Variants in SFXN5 observed in about 807,000 individuals in gnomAD.
The protein encoded by SFXN5 is sideroflexin-5.
In SFXN5, 43 loss-of-function variants were observed where a neutral mutation model predicts 50.2. The ratio of observed to expected loss-of-function variants is 0.86; its 90% CI spans 0.67 to 1.11. SFXN5 has a LOEUF of 1.11. SFXN5 is among the 50% of genes least tolerant of loss of function. The probability of loss-of-function intolerance (pLI) is 0.00; values close to 1 mark genes in which losing one functional copy is unlikely to be tolerated. For synonymous variants in SFXN5, 203 were observed against 185.8 expected, an observed-to-expected ratio of 1.09 and a Z score of -0.75; for missense variants, 463 against 454.1, an observed-to-expected ratio of 1.02 and a Z score of -0.18.
At chr2:73,056,315 G>A (rs553160446) in intron 2 of SFXN5, among the ~76,000 whole-genome samples, 2 of 151,948 alleles carry the variant, frequency 1.3e-5, no homozygotes, top group Non-Finnish European at 2.9e-5. Context: ...CTGGGAGGCG[G>A]AGGTTGCAGT....
At chr2:73,026,309 T>C (rs914304494) in intron 3 of SFXN5, among the ~76,000 whole-genome samples, 5 of 151,508 alleles carry the variant, frequency 3.3e-5, no homozygotes, top group South Asian at 4.2e-4. Flanking sequence ...TTTTTTTTTT[T>C]TAGTAGAGGC....
chr2:72,979,946 C>T (rs1049755817), intron 10 of SFXN5, among the ~76,000 whole-genome samples: 13 of 152,064 alleles, frequency 8.5e-5, no homozygotes, highest in Non-Finnish European at 1.9e-4. Context: ...ATTGCTTATT[C>T]TATTATGTAT....
At chr2:73,038,984 T>C (rs983611514) in intron 3 of SFXN5, among the ~76,000 whole-genome samples, 4 of 152,172 alleles carry the variant, frequency 2.6e-5, no homozygotes, top group Admixed American at 6.5e-5. Flanking sequence ...TGGAGTGCAG[T>C]GGCGTGATCT....
At chr2:72,988,093 G>A (rs1672126519) in intron 10 of SFXN5, among the ~76,000 whole-genome samples, 165 bp downstream of exon 10, 1 of 152,016 alleles carries the variant, frequency 6.6e-6, no homozygotes, top group African/African-American at 2.4e-5. Context: ...CTGGTCAGTG[G>A]GACCCCATGG....
chr2:73,054,982 G>A (rs1681898688), intron 2 of SFXN5, among the ~76,000 whole-genome samples: 1 of 152,228 alleles, frequency 6.6e-6, no homozygotes, highest in South Asian at 2.1e-4. Flanking sequence ...CTGAGATGCA[G>A]TAGGAAACCA....
chr2:72,946,198 T>C (rs2105304095), intron 13 of SFXN5, among the ~76,000 whole-genome samples: 1 of 151,896 alleles, frequency 6.6e-6, no homozygotes, highest in South Asian at 2.1e-4. Flanking sequence ...GTGTTCCACA[T>C]GCAGGAACCT....
At chr2:72,995,264 G>C (rs1673080940) in intron 9 of SFXN5, among the ~76,000 whole-genome samples, 1 of 152,234 alleles carries the variant, frequency 6.6e-6, no homozygotes, top group South Asian at 2.1e-4. Flanking sequence ...TGAGGATTGA[G>C]AGAGGCTTCC....
intron 6 of SFXN5, among the ~76,000 whole-genome samples, chr2:73,006,500 T>C (rs1674682763): frequency 1.3e-5 from 2 of 152,062 alleles, no homozygotes; most frequent in Admixed American, 6.5e-5. Context: ...CAGGTGACTA[T>C]AATCCCAGCT....
chr2:73,046,131 G>A lies in SFXN5; in HGVS notation c.172-5200C>T, dbSNP rs1185969169. On this transcript the variant is annotated intron_variant, in intron 2 of 13. Transcript: ENST00000272433. ...AAAAACTAAAAGCGATATGTTGGCC[G>A]GGTGCAGCAGCTCACGCCTGTAATC... 2.6e-5 allele frequency among the ~76,000 whole-genome samples: 4 copies of A among 152,130 alleles called. No homozygotes were observed. In the East Asian group the frequency reaches 5.8e-4, roughly 22 times the overall value.
At chr2:73,000,391 G>A in intron 8 of SFXN5, 40 bp downstream of exon 8, 1 of 1,547,100 alleles carries the variant, frequency 6.5e-7, no homozygotes, top group South Asian at 1.2e-5. Flanking sequence ...GGCCTCCCTA[G>A]CCTGAACCCC....
intron 11 of SFXN5, among the ~76,000 whole-genome samples, chr2:72,969,618 A>T (rs551815301): frequency 2.0e-5 from 3 of 150,748 alleles, no homozygotes; most frequent in African/African-American, 7.3e-5. Context: ...CTGGTCTCAA[A>T]CTCCTGACGT....
In SFXN5 at chr2:72,945,124, AAGTGGGGGAGTGGGAAGGGGCAAAT is replaced by A; in HGVS notation, c.946-50_946-26del. 1 of 1,609,032 alleles carries A rather than the reference AAGTGGGGGAGTGGGAAGGGGCAAAT, an allele frequency of 6.2e-7. No individual in the cohort carries two copies. The highest frequency in any genetic ancestry group is 1.1e-5 in the South Asian group (1 of 90,634). On this transcript the variant is annotated intron_variant, in intron 13 of 13. Transcript: ENST00000272433. This position sits in a 1 kb window ranked among gnomAD's most constrained non-coding sequence, Gnocchi z 5.8. ...TCTGTGGAGAGAGAACAGAGAGGAAAAGTGGGGGAGTGGGAAGGGGCAAATAGTGGGGCTGGGAGCTGCAGTGAGG... is the reference window on the plus strand; with the variant it reads ...TCTGTGGAGAGAGAACAGAGAGGAAAAGTGGGGCTGGGAGCTGCAGTGAGG...
intron 3 of SFXN5, among the ~76,000 whole-genome samples, chr2:73,027,160 C>T (rs980526239): frequency 1.4e-4 from 21 of 152,090 alleles, no homozygotes; most frequent in African/African-American, 4.1e-4. Context: ...ATGACAGTCC[C>T]GGCGTGTTAC....
rs143887711 is a variant in SFXN5, at chr2:73,001,573, G to A, written c.363C>T (p.Val121=). ...GTGTCTGGTTGGGCAAGAGAAGACC[G>A]ACTACCTATGAGCAAGAGAGAAGAA... is the stretch of plus-strand genomic sequence containing the variant. The part of the protein sequence containing the change: ...GYIPFGTPIV[V]GLLLPNQTLA... Residue 121 remains valine, a synonymous_variant, in exon 7 of 14, where the codon GTC becomes GTT. Transcript: ENST00000272433. The A allele has an allele frequency of 2.9e-4, 467 of 1,614,078 alleles. 4 individuals are homozygous for A. The African/African-American group carries it at 5.5e-3, about 19-fold the overall frequency.
At chr2:72,965,654 A>G (rs1674306104) in intron 12 of SFXN5, among the ~76,000 whole-genome samples, 3 of 152,188 alleles carry the variant, frequency 2.0e-5, no homozygotes, top group Admixed American at 2.0e-4. Context: ...AGAGCCCGGA[A>G]GAAGCAAGCC....
At chr2:72,946,624 G>A (rs760197069) in intron 13 of SFXN5, among the ~76,000 whole-genome samples, 1 of 152,044 alleles carries the variant, frequency 6.6e-6, no homozygotes, top group Non-Finnish European at 1.5e-5. Flanking sequence ...CACCTGAAAT[G>A]GAACTGAACC....
At chr2:72,968,625 C>G in intron 11 of SFXN5, 92 bp from the exon 12 acceptor site, 4 of 1,183,326 alleles carry the variant, frequency 3.4e-6, no homozygotes, top group South Asian at 1.4e-5. Flanking sequence ...GCCACCACAA[C>G]GCATGTGTGT....
intron 3 of SFXN5, among the ~76,000 whole-genome samples, chr2:73,031,290 T>G (rs1678267068): frequency 6.6e-6 from 1 of 152,082 alleles, no homozygotes; most frequent in Non-Finnish European, 1.5e-5. Flanking sequence ...ATGCTTTCTG[T>G]CCCCTTGCTG....
chr2:73,052,376 G>A (rs1034484612), intron 2 of SFXN5, among the ~76,000 whole-genome samples: 1 of 151,202 alleles, frequency 6.6e-6, no homozygotes, highest in East Asian at 1.9e-4. Flanking sequence ...GTGTGTGTGT[G>A]TGTGTGTGTG....
Sources: gnomAD v4.1 joint callset for allele counts (sites outside exome capture counted in the v4.1 genomes callset) on GRCh38, gnomAD v4.1.1 for gene constraint, Gnocchi (gnomAD v3.1) non-coding constraint, MANE v1.5 for transcripts, NCBI Gene and HGNC (gene_info 2026-07-23, HGNC 2026-07-21) for gene names.